R3HDM1: variants seen among roughly 807,000 people sequenced by gnomAD.
R3HDM1 encodes the protein R3H domain-containing protein 1.
A neutral mutation model predicts 141.1 loss-of-function variants in R3HDM1; 46 were observed. The ratio of observed to expected loss-of-function variants is 0.33; its 90% CI spans 0.26 to 0.42. The LOEUF is 0.42. Among genes scored for constraint, R3HDM1 ranks in the 10% least tolerant of loss-of-function variants. The pLI is 1.00. For missense variants in R3HDM1, 1,184 were observed against 1,368.3 expected, an observed-to-expected ratio of 0.87 and a Z score of 2.12; for synonymous variants, 435 against 472.9, an observed-to-expected ratio of 0.92 and a Z score of 1.04.
At chr2:135,705,690 T>C (rs1176473414) in intron 21 of R3HDM1, among the ~76,000 whole-genome samples, 1 of 152,176 alleles carries the variant, frequency 6.6e-6, no homozygotes, top group Non-Finnish European at 1.5e-5. Flanking sequence ...TTTCTAACTT[T>C]AAAAATACAT....
intron 5 of R3HDM1, among the ~76,000 whole-genome samples, chr2:135,618,969 G>A (rs903229466): frequency 2.0e-5 from 3 of 150,612 alleles, no homozygotes; most frequent in African/African-American, 4.9e-5. Context: ...TCAGGGAGCC[G>A]AGATTGCGCT....
At position 135,622,735 on chromosome 2, in the gene R3HDM1, A is replaced by G; in HGVS notation, c.497+3A>G. The G allele has an allele frequency of 6.4e-7, 1 of 1,571,162 alleles. No homozygotes were observed. The highest frequency in any genetic ancestry group is 8.7e-7 in the Non-Finnish European group (1 of 1,152,038). ...AATACATTAAAAAACAATCCCAGGT[A>G]AAAATTAAATTTATAAGGTTTCCAT... On this transcript the variant is annotated splice_donor_region_variant and intron_variant, in intron 7 of 26. Transcript: ENST00000683871.
At chr2:135,586,926 A>G in intron 1 of R3HDM1, 1 of 985,054 alleles carries the variant, frequency 1.0e-6, no homozygotes, top group Non-Finnish European at 1.2e-6. Flanking sequence ...TTGTGGAACA[A>G]ATACAATGTG....
chr2:135,613,127 C>A (rs1366430829), intron 3 of R3HDM1, among the ~76,000 whole-genome samples: 1 of 152,208 alleles, frequency 6.6e-6, no homozygotes, highest in African/African-American at 2.4e-5. Flanking sequence ...GTGGGCCCAA[C>A]TGTGTTGTCC....
chr2:135,627,318 C>G (rs2062145455), intron 7 of R3HDM1, among the ~76,000 whole-genome samples: 2 of 152,042 alleles, frequency 1.3e-5, no homozygotes, highest in South Asian at 4.1e-4. Flanking sequence ...TTTAGTCAGC[C>G]TTTCCTTTTT....
intron 9 of R3HDM1, among the ~76,000 whole-genome samples, chr2:135,632,585 C>G (rs913853491): frequency 6.6e-6 from 1 of 152,138 alleles, no homozygotes; most frequent in African/African-American, 2.4e-5. Flanking sequence ...GGAAGTAGAT[C>G]ATCATTGCTG....
In R3HDM1 at chr2:135,638,759, G is replaced by A; in HGVS notation, c.962G>A (p.Ser321Asn). The stretch of plus-strand genomic sequence containing the variant: ...AACAGACTCCAAGACGAGGATGCCA[G>A]TAGTACCCAGCAGAGGCGCCAGATA... ...IDKRLQDEDA[S>N]STQQRRQIFR... Residue 321 changes from serine to asparagine, a missense_variant, in exon 13 of 27, where the codon AGT (serine) becomes AAT (asparagine). Coordinates refer to ENST00000683871, the MANE Select transcript of R3HDM1 (RefSeq NM_001378107.1). 3 of 1,614,080 alleles carry A rather than the reference G, an allele frequency of 1.9e-6. No homozygotes were observed. Among genetic ancestry groups the A allele is most frequent in the Non-Finnish European group, 2.5e-6 (3 of 1,180,014 alleles).
At chr2:135,589,416 C>T (rs1019729898) in intron 1 of R3HDM1, among the ~76,000 whole-genome samples, 3 of 152,078 alleles carry the variant, frequency 2.0e-5, no homozygotes, top group African/African-American at 7.2e-5. Context: ...TCTGTGATCC[C>T]CCTCTGGTTG....
intron 1 of R3HDM1, among the ~76,000 whole-genome samples, chr2:135,543,902 C>G (rs938822849): frequency 6.6e-6 from 1 of 152,200 alleles, no homozygotes; most frequent in African/African-American, 2.4e-5. Context: ...CAGTGGTCCT[C>G]AGACCACACT....
At chr2:135,652,137 G>C in intron 18 of R3HDM1, 105 bp downstream of exon 18, 1 of 1,437,710 alleles carries the variant, frequency 7.0e-7, no homozygotes, top group Non-Finnish European at 9.2e-7. Context: ...GAATTTGTGA[G>C]AGTATATAAA....
chr2:135,683,635 TAGC>T (rs769352310), intron 21 of R3HDM1, among the ~76,000 whole-genome samples: 4 of 151,590 alleles, frequency 2.6e-5, no homozygotes, highest in African/African-American at 4.9e-5. Flanking sequence ...TTTTAAAACA[TAGC>T]AGCATTCTTT....
intron 4 of R3HDM1, 73 bp from the exon 5 acceptor site, chr2:135,616,595 C>A (rs2061042002): frequency 1.6e-6 from 2 of 1,250,624 alleles, no homozygotes; most frequent in East Asian, 2.5e-5. Flanking sequence ...AACTTAGAAA[C>A]TCTTTCTAGG....
chr2:135,560,696 G>A (rs1701639128), intron 1 of R3HDM1, among the ~76,000 whole-genome samples: 1 of 152,204 alleles, frequency 6.6e-6, no homozygotes, highest in Non-Finnish European at 1.5e-5. Context: ...TATACAAGTT[G>A]TGGTAGAGAC....
chr2:135,551,991 T>C (rs937960833), intron 1 of R3HDM1, among the ~76,000 whole-genome samples: 1 of 152,196 alleles, frequency 6.6e-6, no homozygotes, highest in African/African-American at 2.4e-5. Flanking sequence ...ATTGCAAAAT[T>C]GAAAAGTTAG....
At chr2:135,596,944 T>G in intron 1 of R3HDM1, 1 of 863,286 alleles carries the variant, frequency 1.2e-6, no homozygotes, top group South Asian at 5.3e-5. Flanking sequence ...ATAGGATATG[T>G]GGGATTTAAA....
chr2:135,632,165 A>G (rs1467673047), intron 9 of R3HDM1, among the ~76,000 whole-genome samples, 164 bp downstream of exon 9: 1 of 152,148 alleles, frequency 6.6e-6, no homozygotes, highest in African/African-American at 2.4e-5. Flanking sequence ...TTTACTGGGA[A>G]CAAAATGCAA....
In R3HDM1 at chr2:135,710,061, G is replaced by A. The variant is rs1308581342; in HGVS notation, c.2566G>A (p.Gly856Arg). 1.9e-6 allele frequency: 3 copies of A among 1,612,438 alleles called. No individual in the cohort carries two copies. In the Admixed American group the frequency reaches 5.0e-5, roughly 27 times the overall value. The stretch of plus-strand genomic sequence containing the variant: ...GCATCCTAAATTCTGATTTTCAGCT[G>A]GACCACCACCGCCACCTGGTGGGGG... ...QQLQGHQCTAGPPPPPGGGMV... is the reference protein window; with the variant it reads ...QQLQGHQCTARPPPPPGGGMV... The change falls in exon 23 of 27, where the codon GGA becomes AGA. Residue 856 changes from glycine to arginine, a missense_variant and splice_region_variant. Physicochemically the swap from Gly to Arg is moderately radical, Grantham distance 125. Around this residue, in one of 5 missense-constraint regions of R3HDM1, gnomAD observed 563 missense variants for 562.0 expected, o/e 1.00. Transcript: ENST00000683871.
Position 135,532,551 on chromosome 2 carries a change from A to G in R3HDM1, c.-250+918A>G, listed in dbSNP as rs1695109234. Reference sequence around the variant, plus strand: ...GTGAACAGCAAATGGTTTTTCTAATAAAATTTTCTAAATATATATATATAT... The same window carrying G: ...GTGAACAGCAAATGGTTTTTCTAATGAAATTTTCTAAATATATATATATAT... On this transcript the variant is annotated intron_variant, in intron 1 of 26. Coordinates refer to ENST00000683871, the MANE Select transcript of R3HDM1 (RefSeq NM_001378107.1). Among the ~76,000 whole-genome samples, 4 of 149,716 alleles carry G rather than the reference A, an allele frequency of 2.7e-5. No individual in the cohort carries two copies. The Admixed American group carries it at 2.7e-4, about 10-fold the overall frequency.
At chr2:135,670,642 T>C (rs1005412386) in intron 19 of R3HDM1, among the ~76,000 whole-genome samples, 1 of 152,228 alleles carries the variant, frequency 6.6e-6, no homozygotes, top group East Asian at 1.9e-4. Flanking sequence ...GGGGAGTATC[T>C]ATAAGTGATT....
Sources: gnomAD v4.1 joint callset for allele counts (sites outside exome capture counted in the v4.1 genomes callset) on GRCh38, gnomAD v4.1.1 for gene constraint, gnomAD v4.1.1 regional missense constraint, MANE v1.5 for transcripts, NCBI Gene and HGNC (gene_info 2026-07-23, HGNC 2026-07-21) for gene names.